The following PPARGC1B variants were observed in gnomAD, a reference collection of about 807,000 sequenced individuals.
PPARGC1B encodes the protein peroxisome proliferator-activated receptor gamma coactivator 1-beta.
In PPARGC1B, 34 loss-of-function variants were observed where a neutral mutation model predicts 101.6. The ratio of observed to expected loss-of-function variants is 0.33; its 90% CI spans 0.25 to 0.45. The LOEUF (loss-of-function observed/expected upper bound fraction) is 0.45. Ranked by LOEUF, PPARGC1B falls within the 20% of genes least tolerant of loss-of-function variation. PPARGC1B has a pLI of 1.00. For missense variants in PPARGC1B, 1,234 were observed against 1,317.6 expected, an observed-to-expected ratio of 0.94 and a Z score of 0.98; for synonymous variants, 548 against 539.3, an observed-to-expected ratio of 1.02 and a Z score of -0.22.
At chr5:149,794,078 G>A (rs947249831) in intron 1 of PPARGC1B, among the ~76,000 whole-genome samples, 2 of 152,162 alleles carry the variant, frequency 1.3e-5, no homozygotes, top group African/African-American at 2.4e-5. Context: ...TCTATCTTAT[G>A]GCTCGAAAGT....
At chr5:149,745,252 T>C (rs1438283070) in intron 1 of PPARGC1B, among the ~76,000 whole-genome samples, 1 of 152,180 alleles carries the variant, frequency 6.6e-6, no homozygotes, top group African/African-American at 2.4e-5. Context: ...AGCTGCTCTG[T>C]GCTCTAGTTA....
intron 7 of PPARGC1B, 58 bp from the exon 8 acceptor site, chr5:149,836,205 A>T: frequency 7.1e-7 from 1 of 1,404,356 alleles, no homozygotes; most frequent in Non-Finnish European, 9.7e-7. Flanking sequence ...TTAGGGTCTT[A>T]GTGTCCCTTG....
rs561084399 is a variant in PPARGC1B, at chr5:149,800,093, T to G, written c.79-20340T>G. On this transcript the variant is annotated intron_variant, in intron 1 of 11. Coordinates refer to ENST00000309241, the MANE Select transcript of PPARGC1B (RefSeq NM_133263.4). ...AGGACATAAAATAGAAAGTAAATAT[T>G]CTCTGACCTCTCCCATGCCTAACCA... Among the ~76,000 whole-genome samples, 3 of 152,234 alleles carry G rather than the reference T, an allele frequency of 2.0e-5. No homozygotes were observed. In the South Asian group the frequency reaches 6.2e-4, roughly 32 times the overall value.
At chr5:149,771,639 A>G (rs1756135103) in intron 1 of PPARGC1B, among the ~76,000 whole-genome samples, 1 of 152,244 alleles carries the variant, frequency 6.6e-6, no homozygotes, top group African/African-American at 2.4e-5. Flanking sequence ...TCCTACATAA[A>G]TTATAGCAAG....
chr5:149,815,642 C>A (rs1255833501), intron 1 of PPARGC1B, among the ~76,000 whole-genome samples: 1 of 152,180 alleles, frequency 6.6e-6, no homozygotes, highest in African/African-American at 2.4e-5. Context: ...CTGCTCACTG[C>A]AATCTTTGCC....
At chr5:149,735,819 A>G (rs1270134202) in intron 1 of PPARGC1B, among the ~76,000 whole-genome samples, 2 of 152,350 alleles carry the variant, frequency 1.3e-5, no homozygotes, top group South Asian at 2.1e-4. Context: ...ATGAAGGCAC[A>G]TAGATTGTAT....
At chr5:149,841,476 G>A (rs918121124) in intron 9 of PPARGC1B, among the ~76,000 whole-genome samples, 1 of 152,032 alleles carries the variant, frequency 6.6e-6, no homozygotes, top group East Asian at 1.9e-4. Context: ...TGTGTAGTCC[G>A]TGGGTGGGAT....
At chr5:149,846,312 GAAGAAGGACA>G (rs904276017) in intron 11 of PPARGC1B, 8 of 405,092 alleles carry the variant, frequency 2.0e-5, no homozygotes, top group African/African-American at 1.6e-4. Context: ...ACAAGATGAT[GAAGAAGGACA>G]AAGAAGTACA....
At chr5:149,842,205 C>G in intron 9 of PPARGC1B, 51 bp from the exon 10 acceptor site, 1 of 1,598,810 alleles carries the variant, frequency 6.3e-7, no homozygotes, top group African/African-American at 1.3e-5. Context: ...CAGAGGGGCC[C>G]CAGGAAGCCA....
intron 1 of PPARGC1B, among the ~76,000 whole-genome samples, chr5:149,771,490 A>G (rs1756129782): frequency 1.3e-5 from 2 of 152,228 alleles, no homozygotes; most frequent in South Asian, 4.1e-4. Context: ...CTGATTGCCC[A>G]GGTCTGAAGG....
At chr5:149,822,052 C>T (rs1353360210) in intron 2 of PPARGC1B, among the ~76,000 whole-genome samples, 2 of 152,226 alleles carry the variant, frequency 1.3e-5, no homozygotes, top group African/African-American at 4.8e-5. Context: ...CAGAACCAAA[C>T]TGTAGTTCTG....
At chr5:149,825,771 G>A (rs549771726) in intron 2 of PPARGC1B, among the ~76,000 whole-genome samples, 5 of 152,274 alleles carry the variant, frequency 3.3e-5, no homozygotes, top group Admixed American at 6.5e-5. Context: ...AGTAGCCACC[G>A]GGAAGGGGAA....
intron 1 of PPARGC1B, among the ~76,000 whole-genome samples, chr5:149,731,184 C>T (rs541353822): frequency 1.3e-5 from 2 of 152,172 alleles, no homozygotes; most frequent in South Asian, 2.1e-4. Flanking sequence ...TGGCTGAGCC[C>T]GGGAGCCCCA....
Position 149,832,661 on chromosome 5 carries a change from C to T in PPARGC1B, c.588C>T (p.Asp196=), listed in dbSNP as rs149956939. ...TGGCCTCTCTCCCTCTCTAGGCGGACAGCACCCAAGACAAGAAGGCTCCCA... is the reference window on the plus strand; with the variant it reads ...TGGCCTCTCTCCCTCTCTAGGCGGATAGCACCCAAGACAAGAAGGCTCCCA... The part of the protein sequence containing the change: ...SKSQRPCVKA[D]STQDKKAPMM... The change falls in exon 5 of 12, where the codon GAC becomes GAT. Residue 196 remains aspartate, a synonymous_variant. Transcript: ENST00000309241. This position sits in a 1 kb window ranked among gnomAD's most constrained non-coding sequence, Gnocchi z 4.9. The T allele has an allele frequency of 4.1e-4, 632 of 1,535,960 alleles. 4 individuals carry two copies. In the African/African-American group the frequency reaches 7.9e-3, roughly 19 times the overall value.
At chr5:149,835,857 C>T (rs2113413928) in intron 7 of PPARGC1B, among the ~76,000 whole-genome samples, 1 of 152,196 alleles carries the variant, frequency 6.6e-6, no homozygotes, top group South Asian at 2.1e-4. Context: ...GCTCAGCCAG[C>T]AGTGCAGTGA....
chr5:149,736,491 C>T (rs1403160301), intron 1 of PPARGC1B, among the ~76,000 whole-genome samples: 9 of 152,104 alleles, frequency 5.9e-5, no homozygotes, highest in South Asian at 2.1e-4. Context: ...ACAAGGTAGT[C>T]GGAGTGCCTC....
At chr5:149,816,500 A>C (rs369143006) in intron 1 of PPARGC1B, among the ~76,000 whole-genome samples, 4 of 152,346 alleles carry the variant, frequency 2.6e-5, no homozygotes, top group African/African-American at 9.6e-5. Flanking sequence ...TTTTGTGCAC[A>C]TACCTGCATC....
intron 1 of PPARGC1B, among the ~76,000 whole-genome samples, chr5:149,801,103 C>T (rs949702809): frequency 3.9e-5 from 6 of 152,066 alleles, no homozygotes; most frequent in African/African-American, 9.7e-5. Flanking sequence ...CCTTGTAGGA[C>T]GAGTGGGTGA....
At chr5:149,789,425 G>A (rs1328017895) in intron 1 of PPARGC1B, among the ~76,000 whole-genome samples, 3 of 152,150 alleles carry the variant, frequency 2.0e-5, no homozygotes, top group Non-Finnish European at 4.4e-5. Context: ...TGCAAAGTAG[G>A]ACAAATGATC....
Sources: gnomAD v4.1 joint callset for allele counts (sites outside exome capture counted in the v4.1 genomes callset) on GRCh38, gnomAD v4.1.1 for gene constraint, Gnocchi (gnomAD v3.1) non-coding constraint, MANE v1.5 for transcripts, NCBI Gene and HGNC (gene_info 2026-07-23, HGNC 2026-07-21) for gene names.